Variants in CEMIP2 observed in about 807,000 individuals in gnomAD.
CEMIP2 encodes the protein cell migration inducing hyaluronidase 2.
CEMIP2 carries 79 observed loss-of-function variants against 146.9 expected under a neutral mutation model. That is an observed-to-expected ratio of 0.54 (90% CI 0.45 to 0.65). The LOEUF (loss-of-function observed/expected upper bound fraction) is 0.65, where lower values mean the gene tolerates loss of function less well. Among genes scored for constraint, CEMIP2 ranks in the 30% least tolerant of loss-of-function variants. CEMIP2 has a pLI of 0.00. For missense variants in CEMIP2, 1,596 were observed against 1,696.2 expected, an observed-to-expected ratio of 0.94 and a Z score of 1.04; for synonymous variants, 601 against 606.3, an observed-to-expected ratio of 0.99 and a Z score of 0.13.
chr9:71,711,413 T>G (rs1822901610), intron 16 of CEMIP2, among the ~76,000 whole-genome samples: 1 of 151,616 alleles, frequency 6.6e-6, no homozygotes, highest in Non-Finnish European at 1.5e-5. Context: ...AAAAAAAATT[T>G]TTTTTAAGTA....
At chr9:71,733,143 C>T (rs2131974397) in intron 6 of CEMIP2, among the ~76,000 whole-genome samples, 1 of 152,284 alleles carries the variant, frequency 6.6e-6, no homozygotes, top group Admixed American at 6.5e-5. Context: ...ATGCTTTTAC[C>T]TGAAAGCTGA....
intron 2 of CEMIP2, 109 bp downstream of exon 2, chr9:71,749,934 A>T (rs1361597319): frequency 2.3e-6 from 2 of 854,764 alleles, no homozygotes; most frequent in South Asian, 3.7e-5. Context: ...ACCTAACTAC[A>T]TATTAGTTAG....
intron 1 of CEMIP2, among the ~76,000 whole-genome samples, chr9:71,752,717 A>G (rs1279212229): frequency 6.6e-6 from 1 of 152,066 alleles, no homozygotes; most frequent in Non-Finnish European, 1.5e-5. Flanking sequence ...TCATAAAGGT[A>G]CTTCCAAATT....
intron 4 of CEMIP2, 121 bp from the exon 5 acceptor site, chr9:71,740,353 G>GT (rs1317754523): frequency 8.2e-7 from 1 of 1,223,034 alleles, no homozygotes; most frequent in Non-Finnish European, 1.1e-6. Flanking sequence ...AATCCCTAAT[G>GT]TTTTTTCTAT....
intron 19 of CEMIP2, chr9:71,699,309 C>A: frequency 6.0e-6 from 2 of 331,338 alleles, no homozygotes; most frequent in African/African-American, 2.2e-5. Context: ...AATTGAAAAT[C>A]AATGCTGGGT....
chr9:71,725,648 A>G lies in CEMIP2; in HGVS notation c.2111T>C (p.Leu704Pro), dbSNP rs908580783. The G allele has an allele frequency of 9.3e-6, 15 of 1,613,968 alleles. No homozygotes were observed. Among genetic ancestry groups the G allele is most frequent in the Non-Finnish European group, 1.3e-5 (15 of 1,179,980 alleles). ...EPTGESSGLQ[L>P]LAKPELTPLG... ...TGGAGTGAGTTCTGGTTTTGCCAAGAGCTGCAATCCACTGGATTCCCCAGT... is the reference window on the plus strand; with the variant it reads ...TGGAGTGAGTTCTGGTTTTGCCAAGGGCTGCAATCCACTGGATTCCCCAGT... Residue 704 changes from leucine (L) to proline (P), a missense_variant, in exon 11 of 24, where the codon CTC becomes CCC. By Grantham distance (98) the Leu-to-Pro change is moderately conservative (BLOSUM62 -3). Transcript: ENST00000377044.
Position 71,709,972 on chromosome 9 carries a change from C to A in CEMIP2, c.2770-498G>T, listed in dbSNP as rs577532203. On this transcript the variant is annotated intron_variant, in intron 16 of 23. Transcript: ENST00000377044. ...TTAATCATTTTATCTCCAAATGCTT[C>A]AGTTACTTGTTCATATGACTCCCCC... Among the ~76,000 whole-genome samples, 24 of 152,218 alleles carry A rather than the reference C, an allele frequency of 1.6e-4. No individual in the cohort carries two copies. The South Asian group carries it at 5.0e-3, about 32-fold the overall frequency.
At chr9:71,760,018 T>C (rs1261097951) in intron 1 of CEMIP2, among the ~76,000 whole-genome samples, 1 of 143,848 alleles carries the variant, frequency 7.0e-6, no homozygotes, top group Non-Finnish European at 1.5e-5. Flanking sequence ...TAAATTTACT[T>C]AAAAAAAAAA....
Position 71,745,397 on chromosome 9 carries a change from T to G in CEMIP2, c.655A>C (p.Lys219Gln), listed in dbSNP as rs1278227953. 6 of 1,614,176 alleles carry G rather than the reference T, an allele frequency of 3.7e-6. No homozygotes were observed. The East Asian group carries it at 6.7e-5, about 18-fold the overall frequency. The change falls in exon 4 of 24, where the codon AAA becomes CAA. Residue 219 changes from lysine to glutamine, a missense_variant. Coordinates refer to ENST00000377044, the MANE Select transcript of CEMIP2 (RefSeq NM_013390.3). ...DEGESMPTFG[K>Q]KFIGVEAGGT... The stretch of plus-strand genomic sequence containing the variant: ...CCAGCTTCCACACCAATAAACTTTT[T>G]GCCAAATGTTGGCATACTTTCACCT...
At position 71,694,402 on chromosome 9, in the gene CEMIP2, T is replaced by C. The variant is rs1822330643; in HGVS notation, c.3696+107A>G. 15 of 798,434 alleles carry C rather than the reference T, an allele frequency of 1.9e-5. 1 individual carries two copies. The highest frequency in any genetic ancestry group is 5.8e-4 in the Middle Eastern group (2 of 3,432). 49.5% of individuals were successfully genotyped at this position (798,434 alleles called of 1,614,324 possible). ...CCTCCCAAAGTGCTGGGATCACAGG[T>C]GTGAGCCACCGCACCCAGCCAATTT... On this transcript the variant is annotated intron_variant, in intron 21 of 23. Transcript: ENST00000377044.
chr9:71,749,947 A>C, intron 2 of CEMIP2, 96 bp downstream of exon 2: 88 of 1,003,252 alleles, frequency 8.8e-5, no homozygotes, highest in Non-Finnish European at 1.2e-4. Context: ...TTAGTTAGCT[A>C]GGGCCAACTT....
intron 18 of CEMIP2, among the ~76,000 whole-genome samples, chr9:71,702,468 T>C (rs1221794485): frequency 3.3e-5 from 5 of 151,964 alleles, no homozygotes; most frequent in African/African-American, 4.8e-5. Context: ...TTATGGCACA[T>C]CCATAGACAC....
rs1459331702 is a variant in CEMIP2, at chr9:71,685,026, G to A, written c.*171C>T. The A allele has an allele frequency of 1.8e-6, 1 of 567,950 alleles. No individual in the cohort carries two copies. The highest frequency in any genetic ancestry group is 3.4e-5 in the Admixed American group (1 of 29,794). The allele number at this position is 567,950 out of a possible 1,614,324, so 35.2% of individuals were successfully genotyped here. On this transcript the variant is annotated 3_prime_UTR_variant, in exon 24 of 24. Coordinates refer to ENST00000377044, the MANE Select transcript of CEMIP2 (RefSeq NM_013390.3). ...TCTTTAACATTTTGTACAACTAGAA[G>A]GTGCATGAAGCTGGTATCCAAGCAA...
At chr9:71,707,256 T>C (rs1448569713) in intron 17 of CEMIP2, among the ~76,000 whole-genome samples, 1 of 152,204 alleles carries the variant, frequency 6.6e-6, no homozygotes, top group Non-Finnish European at 1.5e-5. Context: ...TAAATCACAT[T>C]ATAAACCATG....
intron 18 of CEMIP2, among the ~76,000 whole-genome samples, chr9:71,704,074 T>C (rs1015997747): frequency 6.6e-6 from 1 of 152,206 alleles, no homozygotes; most frequent in African/African-American, 2.4e-5. Context: ...TTGGATTGCC[T>C]GTGATTAGAA....
intron 20 of CEMIP2, 192 bp downstream of exon 20, chr9:71,697,793 G>GT (rs1822442254): frequency 1.2e-5 from 7 of 570,794 alleles, no homozygotes; most frequent in African/African-American, 1.9e-5. Context: ...ACAGGGGCAA[G>GT]TATCTCTGTC....
intron 20 of CEMIP2, among the ~76,000 whole-genome samples, chr9:71,696,980 T>C (rs1186199658): frequency 1.3e-5 from 2 of 152,180 alleles, no homozygotes; most frequent in African/African-American, 4.8e-5. Context: ...AAAGATTTAG[T>C]TTTCTCCATA....
chr9:71,712,242 GC>G lies in CEMIP2; in HGVS notation c.2609del (p.Gly870AlafsTer34), dbSNP rs1822928050. The G allele has an allele frequency of 6.2e-7, 1 of 1,614,060 alleles. No individual in the cohort carries two copies. Among genetic ancestry groups the G allele is most frequent in the Non-Finnish European group, 8.5e-7 (1 of 1,179,996 alleles). ...GAATGGGCCCATCATAAATCTGAAAGCCTCTAATTGGGAACGTCCTGTGGAA... is the reference window on the plus strand; with the variant it reads ...GAATGGGCCCATCATAAATCTGAAAGCTCTAATTGGGAACGTCCTGTGGAA... ...LPRNRTFPIR[G>X]FQIYDGPIHL... On this transcript the variant is annotated frameshift_variant, in exon 16 of 24. Coordinates refer to ENST00000377044, the MANE Select transcript of CEMIP2 (RefSeq NM_013390.3). LOFTEE classifies it high-confidence loss of function.
At chr9:71,724,534 A>G (rs1697775103) in intron 11 of CEMIP2, among the ~76,000 whole-genome samples, 1 of 152,192 alleles carries the variant, frequency 6.6e-6, no homozygotes, top group African/African-American at 2.4e-5. Context: ...TCATAAATGC[A>G]AAGTATTCCT....
Sources: allele counts gnomAD v4.1 joint callset (sites outside exome capture counted in the v4.1 genomes callset), GRCh38; gene constraint gnomAD v4.1.1; transcripts MANE v1.5; gene names NCBI Gene and HGNC (gene_info 2026-07-23, HGNC 2026-07-21).